PPFIBP2: variants seen among roughly 807,000 people sequenced by gnomAD.
PPFIBP2 encodes the protein PPFIB scaffold protein 2, also known as liprin-beta-2.
PPFIBP2 carries 118 observed loss-of-function variants against 118.3 expected under a neutral mutation model. The ratio of observed to expected loss-of-function variants is 1.00; its 90% confidence interval spans 0.86 to 1.16. PPFIBP2 has a LOEUF of 1.16. Among genes scored for constraint, PPFIBP2 ranks in the 50% most tolerant of loss-of-function variants. PPFIBP2 has a pLI of 0.00. For missense variants in PPFIBP2, 1,195 were observed against 1,073.1 expected (o/e 1.11, Z -1.59); for synonymous variants, 414 against 397.4 (o/e 1.04, Z -0.50).
intron 17 of PPFIBP2, among the ~76,000 whole-genome samples, chr11:7,642,912 A>G (rs1852418659): frequency 6.6e-6 from 1 of 152,336 alleles, no homozygotes; most frequent in Non-Finnish European, 1.5e-5. Context: ...GCACATGGAT[A>G]TGATACTGCA....
At chr11:7,565,444 GCTT>G in intron 2 of PPFIBP2, 106 bp from the exon 3 acceptor site, 1 of 1,159,092 alleles carries the variant, frequency 8.6e-7, no homozygotes, top group South Asian at 1.4e-5. Flanking sequence ...CTCACCCCCA[GCTT>G]CTTATCTGTC....
chr11:7,541,064 C>G (rs970357281), intron 1 of PPFIBP2, among the ~76,000 whole-genome samples: 3 of 152,164 alleles, frequency 2.0e-5, no homozygotes, highest in Non-Finnish European at 2.9e-5. Context: ...TGGCTGGTGG[C>G]CAGCCCCTGA....
chr11:7,560,160 C>T (rs1206486317), intron 2 of PPFIBP2, among the ~76,000 whole-genome samples: 2 of 152,122 alleles, frequency 1.3e-5, no homozygotes, highest in African/African-American at 2.4e-5. Context: ...GAAAGCTAAT[C>T]AACAGCACAA....
intron 17 of PPFIBP2, among the ~76,000 whole-genome samples, chr11:7,646,466 A>G: frequency 6.6e-6 from 1 of 152,266 alleles, no homozygotes; most frequent in East Asian, 1.9e-4. Flanking sequence ...GTCATGCTAG[A>G]AGAAAGACTA....
intron 5 of PPFIBP2, among the ~76,000 whole-genome samples, chr11:7,610,046 A>G (rs896543342): frequency 2.6e-5 from 4 of 152,212 alleles, no homozygotes; most frequent in Middle Eastern, 3.2e-3. Flanking sequence ...GGGCAAACAC[A>G]TTTGAGAAAT....
At chr11:7,608,623 A>G (rs958346796) in intron 5 of PPFIBP2, among the ~76,000 whole-genome samples, 3 of 152,164 alleles carry the variant, frequency 2.0e-5, no homozygotes, top group Admixed American at 2.0e-4. Context: ...CTGGGCAAAA[A>G]GAGCGAAACG....
At chr11:7,517,062 G>A (rs1226021874) in intron 1 of PPFIBP2, among the ~76,000 whole-genome samples, 1 of 152,200 alleles carries the variant, frequency 6.6e-6, no homozygotes, top group African/African-American at 2.4e-5. Flanking sequence ...TCGTGTCGTT[G>A]TAGCAGGAGC....
chr11:7,655,411 C>G (rs1854587872), downstream of PPFIBP2: 7 of 1,288,694 alleles, frequency 5.4e-6, no homozygotes, highest in Middle Eastern at 2.1e-4. Flanking sequence ...GTGTGCTGAC[C>G]AGGCTGCTGC....
At chr11:7,583,274 G>C (rs1270083095) in intron 3 of PPFIBP2, among the ~76,000 whole-genome samples, 1 of 152,110 alleles carries the variant, frequency 6.6e-6, no homozygotes, top group African/African-American at 2.4e-5. Context: ...CTTGTGACCC[G>C]AGGAGCAGCT....
At chr11:7,640,765 CCCTT>C (rs776005775) in intron 15 of PPFIBP2, among the ~76,000 whole-genome samples, 8 of 152,192 alleles carry the variant, frequency 5.3e-5, no homozygotes, top group Non-Finnish European at 8.8e-5. Context: ...CTGCTGCTGT[CCCTT>C]CCTTTCCCTG....
downstream of PPFIBP2, among the ~76,000 whole-genome samples, chr11:7,654,082 C>A (rs966002040): frequency 1.3e-5 from 2 of 152,244 alleles, no homozygotes; most frequent in African/African-American, 4.8e-5. Context: ...TGAGCCCCCC[C>A]AGTGAAGGGG....
At chr11:7,531,173 T>C (rs1012370039) in intron 1 of PPFIBP2, among the ~76,000 whole-genome samples, 3 of 152,182 alleles carry the variant, frequency 2.0e-5, no homozygotes, top group African/African-American at 7.2e-5. Flanking sequence ...AGATCACTTT[T>C]CTTGGGAAAG....
chr11:7,618,297 A>G (rs1351365389), intron 6 of PPFIBP2, among the ~76,000 whole-genome samples: 1 of 152,204 alleles, frequency 6.6e-6, no homozygotes. Flanking sequence ...CTCCAGCAAG[A>G]CTTTTAAAGG....
chr11:7,606,239 C>T (rs145462376), intron 5 of PPFIBP2, among the ~76,000 whole-genome samples: 10 of 152,132 alleles, frequency 6.6e-5, no homozygotes, highest in East Asian at 3.9e-4. Context: ...ATTGAAATGA[C>T]GGGGAAGAAT....
downstream of PPFIBP2, among the ~76,000 whole-genome samples, chr11:7,657,637 C>A (rs7129065): frequency 6.6e-6 from 1 of 152,044 alleles, no homozygotes. Flanking sequence ...CTCTTTAGTC[C>A]TTCCTCCCTC....
At chr11:7,662,608 A>T in the PPFIBP2 span, among the ~76,000 whole-genome samples, 1 of 148,894 alleles carries the variant, frequency 6.7e-6, no homozygotes, top group African/African-American at 2.4e-5. Flanking sequence ...ACTTTGGTGA[A>T]TCTGACAATT....
chr11:7,610,621 G>T, intron 6 of PPFIBP2, 199 bp downstream of exon 6: 1 of 654,222 alleles, frequency 1.5e-6, no homozygotes. Flanking sequence ...AAACCAGCCA[G>T]TTTTGGCTCT....
chr11:7,628,123 G>C (rs1280486857), intron 8 of PPFIBP2, among the ~76,000 whole-genome samples, 162 bp from the exon 9 acceptor site: 4 of 152,184 alleles, frequency 2.6e-5, no homozygotes, highest in Non-Finnish European at 5.9e-5. Flanking sequence ...AAATATTTAA[G>C]GAGGCCGATT....
At chr11:7,558,926 G>A (rs574008141) in intron 2 of PPFIBP2, among the ~76,000 whole-genome samples, 1 of 152,088 alleles carries the variant, frequency 6.6e-6, no homozygotes, top group Non-Finnish European at 1.5e-5. Flanking sequence ...ACTTCATTGA[G>A]GTGATCTGCT....
Sources: allele counts gnomAD v4.1 joint callset (sites outside exome capture counted in the v4.1 genomes callset), GRCh38; gene constraint gnomAD v4.1.1; transcripts MANE v1.5; gene names NCBI Gene and HGNC (gene_info 2026-07-23, HGNC 2026-07-21).